Variants in KIF6 observed in about 807,000 individuals in gnomAD.
The protein encoded by KIF6 is kinesin-like protein KIF6.
KIF6 carries 106 observed loss-of-function variants against 112.7 expected under a neutral mutation model. The observed-to-expected ratio is 0.94, with a 90% CI of 0.80 to 1.11. The LOEUF (loss-of-function observed/expected upper bound fraction) is 1.11. KIF6 is among the 50% of genes least tolerant of loss of function. The pLI, the probability that KIF6 is intolerant of heterozygous loss-of-function variation, is 0.00. For synonymous variants in KIF6, 339 were observed against 339.9 expected (o/e 1.00, Z 0.03); for missense variants, 929 against 964.0 (o/e 0.96, Z 0.48).
chr6:39,505,022 A>T (rs1302237349), intron 13 of KIF6, among the ~76,000 whole-genome samples: 1 of 152,240 alleles, frequency 6.6e-6, no homozygotes, highest in Non-Finnish European at 1.5e-5. Context: ...ATGGAACCAA[A>T]ACAGAGCCTG....
chr6:39,639,649 GATA>G lies in KIF6; in HGVS notation c.357_359del (p.Ile120del), dbSNP rs746141907. 2.5e-6 allele frequency: 4 copies of G among 1,606,812 alleles called. No individual in the cohort carries two copies. The South Asian group carries it at 4.5e-5, about 18-fold the overall frequency. On this transcript the variant is annotated inframe_deletion, in exon 4 of 23. Transcript: ENST00000287152. ...CAAAAATGTATGACAGTGTCCTTGGGATAATGCCTCTGTCACTGTAACGCTCTG... is the reference window on the plus strand; with the variant it reads ...CAAAAATGTATGACAGTGTCCTTGGGATGCCTCTGTCACTGTAACGCTCTG...
At chr6:39,489,982 G>C (rs1775375083) in intron 13 of KIF6, among the ~76,000 whole-genome samples, 1 of 152,176 alleles carries the variant, frequency 6.6e-6, no homozygotes, top group African/African-American at 2.4e-5. Context: ...ATATGTAAAA[G>C]CTCTTACTAA....
intron 13 of KIF6, among the ~76,000 whole-genome samples, chr6:39,432,305 G>A (rs893101199): frequency 6.6e-6 from 1 of 152,218 alleles, no homozygotes; most frequent in African/African-American, 2.4e-5. Flanking sequence ...GAAGCTGGGT[G>A]GTGCTGAGCC....
At chr6:39,566,544 T>C (rs1214932512) in intron 10 of KIF6, among the ~76,000 whole-genome samples, 3 of 152,242 alleles carry the variant, frequency 2.0e-5, no homozygotes, top group Non-Finnish European at 2.9e-5. Flanking sequence ...AGTTTTTGTT[T>C]TGTTTAGCCT....
intron 19 of KIF6, among the ~76,000 whole-genome samples, chr6:39,356,222 G>T (rs536175190): frequency 1.3e-5 from 2 of 151,704 alleles, no homozygotes; most frequent in South Asian, 4.2e-4. Flanking sequence ...GGCCACAGAG[G>T]TAGAGTGCCA....
At chr6:39,355,911 C>T (rs1262461964) in intron 19 of KIF6, among the ~76,000 whole-genome samples, 3 of 151,998 alleles carry the variant, frequency 2.0e-5, no homozygotes, top group Admixed American at 6.6e-5. Flanking sequence ...GGTTCATTTG[C>T]CACAATCACT....
chr6:39,342,913 A>G lies in KIF6; in HGVS notation c.2428+796T>C. The stretch of plus-strand genomic sequence containing the variant: ...ACAGGGCAGGCATCAGTCATTATAC[A>G]TCGAATCTGCCAGCCCATACCATCA... On this transcript the variant is annotated intron_variant, in intron 22 of 22. Coordinates refer to ENST00000287152, the MANE Select transcript of KIF6 (RefSeq NM_145027.6). The surrounding 1 kb of genome is among the most constrained non-coding windows in gnomAD (Gnocchi z 4.7). 3.0e-6 allele frequency: 3 copies of G among 985,316 alleles called. No homozygotes were observed. The highest frequency in any genetic ancestry group is 3.6e-6 in the Non-Finnish European group (3 of 829,882). 61.0% of individuals were successfully genotyped at this position (985,316 alleles called of 1,614,324 possible).
chr6:39,427,134 G>T (rs1770827063), intron 14 of KIF6, among the ~76,000 whole-genome samples: 1 of 152,180 alleles, frequency 6.6e-6, no homozygotes, highest in Non-Finnish European at 1.5e-5. Context: ...GAGGCAGGAA[G>T]CCATCGCTGA....
intron 19 of KIF6, among the ~76,000 whole-genome samples, chr6:39,351,334 G>T (rs1015220918): frequency 1.7e-4 from 26 of 152,028 alleles, no homozygotes; most frequent in Admixed American, 1.7e-3. Context: ...GGGCTCAAAA[G>T]ATCCTACCAT....
intron 9 of KIF6, among the ~76,000 whole-genome samples, chr6:39,583,702 T>A (rs1253112642): frequency 9.0e-6 from 1 of 111,522 alleles, no homozygotes; most frequent in Non-Finnish European, 1.8e-5. Context: ...TTTTTTTTTT[T>A]TTTTTTTTAC....
In KIF6 at chr6:39,342,594, G is replaced by GTTTTTTTTTTTTTTTTTT. The variant is rs1443982685; in HGVS notation, c.2428+1114_2428+1115insAAAAAAAAAAAAAAAAAA. 4.0e-5 allele frequency among the ~76,000 whole-genome samples: 5 copies of GTTTTTTTTTTTTTTTTTT among 124,310 alleles called. 1 individual carries two copies. Among genetic ancestry groups the GTTTTTTTTTTTTTTTTTT allele is most frequent in the South Asian group, 4.9e-4 (2 of 4,116 alleles). The allele number at this position is 124,310 out of a possible 152,430, so 81.6% of individuals were successfully genotyped here. A position where few individuals can be genotyped will look rare whatever the true frequency, so the allele number is the denominator to read the frequency against. On this transcript the variant is annotated intron_variant, in intron 22 of 22. Coordinates refer to ENST00000287152, the MANE Select transcript of KIF6 (RefSeq NM_145027.6). This position sits in a 1 kb window ranked among gnomAD's most constrained non-coding sequence, Gnocchi z 4.7. ...GGGGACTTGGAGATCACTGAATCCA[G>GTTTTTTTTTTTTTTTTTT]TTTTTTATTTTTTTTTATTTTTTTT... is the stretch of plus-strand genomic sequence containing the variant.
chr6:39,371,695 C>T (rs181662948), intron 16 of KIF6, among the ~76,000 whole-genome samples: 1 of 152,270 alleles, frequency 6.6e-6, no homozygotes, highest in Non-Finnish European at 1.5e-5. Flanking sequence ...AGGTCTTTAT[C>T]CAATTCTCTT....
At chr6:39,677,247 G>A (rs561453598) in intron 3 of KIF6, among the ~76,000 whole-genome samples, 8 of 152,054 alleles carry the variant, frequency 5.3e-5, no homozygotes, top group Admixed American at 5.2e-4. Flanking sequence ...ATAAAAGAGA[G>A]GATTTTCAGG....
intron 10 of KIF6, among the ~76,000 whole-genome samples, chr6:39,575,587 G>A (rs756231824): frequency 1.3e-5 from 2 of 152,022 alleles, no homozygotes; most frequent in Non-Finnish European, 2.9e-5. Flanking sequence ...CTTATTTTTC[G>A]TGAGAATAGG....
At chr6:39,415,443 T>C (rs1371957692) in intron 15 of KIF6, among the ~76,000 whole-genome samples, 4 of 152,102 alleles carry the variant, frequency 2.6e-5, no homozygotes, top group African/African-American at 9.7e-5. Flanking sequence ...GTCTCCTCCC[T>C]GTGAGGATTA....
At chr6:39,547,330 C>A (rs749180497) in intron 10 of KIF6, among the ~76,000 whole-genome samples, 7 of 152,096 alleles carry the variant, frequency 4.6e-5, no homozygotes, top group Non-Finnish European at 1.0e-4. Flanking sequence ...TAAGGAGTTT[C>A]TTTAGGTGAA....
At chr6:39,607,091 T>C (rs895973307) in intron 6 of KIF6, among the ~76,000 whole-genome samples, 2 of 152,186 alleles carry the variant, frequency 1.3e-5, no homozygotes, top group African/African-American at 4.8e-5. Flanking sequence ...ATGTCAATAA[T>C]ACTGAATAGA....
intron 10 of KIF6, among the ~76,000 whole-genome samples, chr6:39,560,120 A>G (rs183941406): frequency 3.5e-4 from 53 of 152,306 alleles, no homozygotes; most frequent in Middle Eastern, 3.4e-3. Flanking sequence ...GTGGGTGCTC[A>G]CTGCTGGGAT....
chr6:39,341,761 C>T (rs1005776392), intron 22 of KIF6, among the ~76,000 whole-genome samples: 4 of 152,222 alleles, frequency 2.6e-5, no homozygotes, highest in African/African-American at 7.2e-5. Context: ...CCATTCTCTT[C>T]GCTGCTCAGA....
Sources: allele counts gnomAD v4.1 joint callset (sites outside exome capture counted in the v4.1 genomes callset), GRCh38; gene constraint gnomAD v4.1.1; non-coding constraint Gnocchi (gnomAD v3.1); transcripts MANE v1.5; gene names NCBI Gene and HGNC (gene_info 2026-07-23, HGNC 2026-07-21).